The following TBC1D5 variants were observed in gnomAD, a reference collection of about 807,000 sequenced individuals.
The protein encoded by TBC1D5 is TBC1 domain family member 5.
TBC1D5 carries 75 observed loss-of-function variants against 100.3 expected under a neutral mutation model. The ratio of observed to expected loss-of-function variants is 0.75; its 90% confidence interval spans 0.62 to 0.91. The LOEUF (loss-of-function observed/expected upper bound fraction) is 0.91. Among genes scored for constraint, TBC1D5 ranks in the 40% least tolerant of loss-of-function variants. The pLI is 0.00. For synonymous variants in TBC1D5, 323 were observed against 325.6 expected, an observed-to-expected ratio of 0.99 and a Z score of 0.09; for missense variants, 910 against 942.4, an observed-to-expected ratio of 0.97 and a Z score of 0.45.
At chr3:17,297,445 G>A (rs1448355781) in intron 14 of TBC1D5, among the ~76,000 whole-genome samples, 1 of 151,932 alleles carries the variant, frequency 6.6e-6, no homozygotes. Context: ...GCATGGTGGT[G>A]GGCGCCTGTA....
intron 1 of TBC1D5, among the ~76,000 whole-genome samples, chr3:17,725,475 C>T (rs2076046607): frequency 6.6e-6 from 1 of 151,798 alleles, no homozygotes; most frequent in South Asian, 2.1e-4. Context: ...TTGGTTCGCT[C>T]ATACTCTACA....
At chr3:17,185,124 T>C (rs781155636) in exon 19 of TBC1D5, 7 of 1,610,942 alleles carry the variant, frequency 4.3e-6, no homozygotes, top group Non-Finnish European at 5.9e-6. Context: ...TGAGTGTCCA[T>C]CACCTTTGCA....
chr3:17,277,320 G>C (rs901888471), intron 15 of TBC1D5, among the ~76,000 whole-genome samples: 2 of 151,974 alleles, frequency 1.3e-5, no homozygotes, highest in Admixed American at 6.6e-5. Context: ...CCTTTGAACT[G>C]GCTCTTTTGA....
chr3:17,582,766 C>G (rs1455096244), intron 2 of TBC1D5, among the ~76,000 whole-genome samples: 1 of 144,042 alleles, frequency 6.9e-6, no homozygotes, highest in Admixed American at 6.9e-5. Context: ...ATTAAAAAAA[C>G]TACACAGATA....
chr3:17,556,469 TA>T (rs1272864994), intron 2 of TBC1D5, among the ~76,000 whole-genome samples: 1 of 152,156 alleles, frequency 6.6e-6, no homozygotes, highest in Non-Finnish European at 1.5e-5. Context: ...GACATTACAA[TA>T]ACTACTAAGC....
At chr3:17,347,887 T>C (rs2090104646) in intron 13 of TBC1D5, among the ~76,000 whole-genome samples, 1 of 152,066 alleles carries the variant, frequency 6.6e-6, no homozygotes, top group East Asian at 1.9e-4. Context: ...CCTGTAATTC[T>C]TGCTACTTGG....
chr3:17,166,902 C>G, exon 21 of TBC1D5: 1 of 1,609,592 alleles, frequency 6.2e-7, no homozygotes, highest in Non-Finnish European at 8.5e-7. Context: ...GGTTAAAACG[C>G]AGGGAACCTT....
intron 1 of TBC1D5, among the ~76,000 whole-genome samples, chr3:17,666,336 CTGTT>C (rs1353039559): frequency 6.6e-6 from 1 of 152,162 alleles, no homozygotes; most frequent in Non-Finnish European, 1.5e-5. Flanking sequence ...CCCAAAACTT[CTGTT>C]TCCTACTGAC....
intron 2 of TBC1D5, among the ~76,000 whole-genome samples, chr3:17,594,089 C>G (rs1184560132): frequency 6.6e-6 from 1 of 152,178 alleles, no homozygotes; most frequent in Non-Finnish European, 1.5e-5. Context: ...CACCAGGAGA[C>G]ACAACAATGA....
At chr3:17,670,421 G>T (rs553924942) in intron 1 of TBC1D5, among the ~76,000 whole-genome samples, 1 of 152,330 alleles carries the variant, frequency 6.6e-6, no homozygotes, top group African/African-American at 2.4e-5. Context: ...AACCAGACCA[G>T]TCTAGGCTGT....
At chr3:17,267,331 T>C (rs2078954476) in intron 15 of TBC1D5, among the ~76,000 whole-genome samples, 1 of 152,050 alleles carries the variant, frequency 6.6e-6, no homozygotes, top group Admixed American at 6.6e-5. Context: ...AGATAACTGG[T>C]TGGCTCTTTT....
intron 14 of TBC1D5, among the ~76,000 whole-genome samples, chr3:17,305,524 C>T (rs1012887073): frequency 2.0e-5 from 3 of 152,144 alleles, no homozygotes; most frequent in East Asian, 1.9e-4. Flanking sequence ...TTAACAAACA[C>T]CTGTCAATCA....
chr3:17,201,253 A>T (rs2071426343), intron 18 of TBC1D5, among the ~76,000 whole-genome samples: 1 of 152,134 alleles, frequency 6.6e-6, no homozygotes, highest in Admixed American at 6.6e-5. Context: ...GAGTGAAAAA[A>T]AACACGGCCC....
At chr3:17,655,373 GT>G (rs2065963162) in intron 1 of TBC1D5, among the ~76,000 whole-genome samples, 1 of 151,136 alleles carries the variant, frequency 6.6e-6, no homozygotes, top group Admixed American at 6.6e-5. Flanking sequence ...GAGTTAATGG[GT>G]GCAGCACACC....
chr3:17,494,429 G>C (rs1026864904), intron 3 of TBC1D5, among the ~76,000 whole-genome samples: 9 of 152,240 alleles, frequency 5.9e-5, no homozygotes, highest in African/African-American at 2.2e-4. Flanking sequence ...CAGTCTGGCT[G>C]CCCCTTGGTG....
intron 12 of TBC1D5, among the ~76,000 whole-genome samples, chr3:17,372,628 T>C (rs547061984): frequency 6.6e-6 from 1 of 152,310 alleles, no homozygotes; most frequent in Non-Finnish European, 1.5e-5. Flanking sequence ...GTTTAGTCAC[T>C]GAGTTTCTCA....
intron 13 of TBC1D5, among the ~76,000 whole-genome samples, chr3:17,331,513 C>T (rs1053088429): frequency 1.3e-5 from 2 of 152,160 alleles, no homozygotes; most frequent in Admixed American, 1.3e-4. Context: ...TGACTGTTTG[C>T]ATGAGATAAC....
At chr3:17,274,014 A>T (rs2079712048) in intron 15 of TBC1D5, among the ~76,000 whole-genome samples, 1 of 40,880 alleles carries the variant, frequency 2.4e-5, no homozygotes, top group Admixed American at 1.9e-4. Context: ...TATTTAATTA[A>T]AAAAAAAAAA....
At chr3:17,468,776 T>C (rs1201290103) in intron 3 of TBC1D5, among the ~76,000 whole-genome samples, 1 of 152,192 alleles carries the variant, frequency 6.6e-6, no homozygotes, top group Non-Finnish European at 1.5e-5. Context: ...GCAGGCTGTT[T>C]CATAATATTA....
Sources: gnomAD v4.1 joint callset for allele counts (sites outside exome capture counted in the v4.1 genomes callset) on GRCh38, gnomAD v4.1.1 for gene constraint, MANE v1.5 for transcripts, NCBI Gene and HGNC (gene_info 2026-07-23, HGNC 2026-07-21) for gene names.